GTF2I: variants seen among roughly 807,000 people sequenced by gnomAD.
The protein encoded by GTF2I is general transcription factor II-I.
In GTF2I, 12 loss-of-function variants were observed where a neutral mutation model predicts 67.6. The ratio of observed to expected loss-of-function variants is 0.18; its 90% CI spans 0.11 to 0.29. The LOEUF is 0.29. Among genes scored for constraint, GTF2I ranks in the 10% least tolerant of loss-of-function variants. The pLI, the probability that GTF2I is intolerant of heterozygous loss-of-function variation, is 1.00. For missense variants in GTF2I, 271 were observed against 580.1 expected (o/e 0.47, Z 5.47); for synonymous variants, 149 against 197.0 (o/e 0.76, Z 2.04).
At chr7:74,716,839 A>T in intron 10 of GTF2I, 55 bp from the exon 11 acceptor site, 2 of 1,163,136 alleles carry the variant, frequency 1.7e-6, no homozygotes, top group Admixed American at 3.6e-5. Flanking sequence ...ATTCTCTTTC[A>T]TCTTTCAATG....
chr7:74,680,762 G>C (rs587659905), intron 1 of GTF2I, among the ~76,000 whole-genome samples: 1 of 151,292 alleles, frequency 6.6e-6, no homozygotes, highest in African/African-American at 2.4e-5. Flanking sequence ...ACCAAATGTT[G>C]TTGTGTGCTG....
intron 1 of GTF2I, among the ~76,000 whole-genome samples, chr7:74,669,904 C>T (rs1178158228): frequency 6.6e-6 from 1 of 152,124 alleles, no homozygotes; most frequent in Admixed American, 6.6e-5. Context: ...TGTTCATGCA[C>T]AAATGCCTTA....
chr7:74,682,917 A>T lies in GTF2I; in HGVS notation c.-5-6207A>T, dbSNP rs587710819. Reference sequence around the variant, plus strand: ...AATTAAAAACCGGATAGGTGTTTTAACAACAGAATAAAAAGATGAAGAAGG... The same window carrying T: ...AATTAAAAACCGGATAGGTGTTTTATCAACAGAATAAAAAGATGAAGAAGG... On this transcript the variant is annotated intron_variant, in intron 1 of 34. Transcript: ENST00000573035. Among the ~76,000 whole-genome samples, 8 of 152,340 alleles carry T rather than the reference A, an allele frequency of 5.3e-5. No individual in the cohort carries two copies. The East Asian group carries it at 1.5e-3, about 29-fold the overall frequency.
intron 6 of GTF2I, among the ~76,000 whole-genome samples, chr7:74,700,951 G>A (rs1234042637): frequency 6.6e-6 from 1 of 152,218 alleles, no homozygotes; most frequent in East Asian, 1.9e-4. Flanking sequence ...AGCATTGGGT[G>A]GGGAGGGGAT....
intron 14 of GTF2I, among the ~76,000 whole-genome samples, chr7:74,731,497 T>G (rs1216144239): frequency 6.7e-6 from 1 of 149,956 alleles, no homozygotes; most frequent in Non-Finnish European, 1.5e-5. Context: ...TTCTCCCAGT[T>G]TTTAATAGCT....
intron 1 of GTF2I, among the ~76,000 whole-genome samples, chr7:74,681,529 G>C (rs1164108250): frequency 2.0e-5 from 3 of 152,180 alleles, no homozygotes; most frequent in Non-Finnish European, 4.4e-5. Context: ...TTTAATCACA[G>C]TATATCCCGT....
intron 1 of GTF2I, chr7:74,688,835 T>A: frequency 2.9e-6 from 1 of 341,550 alleles, no homozygotes; most frequent in South Asian, 3.6e-5. Context: ...TTGCCTCGTC[T>A]TGTTCTTACT....
chr7:74,732,225 T>A (rs1554406875), intron 14 of GTF2I, among the ~76,000 whole-genome samples: 2 of 150,144 alleles, frequency 1.3e-5, no homozygotes, highest in Admixed American at 1.3e-4. Flanking sequence ...ATACAAAAAA[T>A]TAGCTGGGCG....
intron 1 of GTF2I, among the ~76,000 whole-genome samples, chr7:74,667,991 G>A (rs782067461): frequency 6.6e-6 from 1 of 151,538 alleles, no homozygotes; most frequent in Admixed American, 6.6e-5. Flanking sequence ...GCACCACCAC[G>A]CCCAGCTAAT....
chr7:74,720,454 GTTAAC>G (rs1472365968), intron 12 of GTF2I, among the ~76,000 whole-genome samples: 6 of 152,176 alleles, frequency 3.9e-5, no homozygotes, highest in Non-Finnish European at 5.9e-5. Flanking sequence ...TACTTCATGT[GTTAAC>G]TTAATATACA....
intron 12 of GTF2I, among the ~76,000 whole-genome samples, chr7:74,724,372 TAA>T (rs1793490927): frequency 1.3e-5 from 2 of 152,208 alleles, no homozygotes; most frequent in African/African-American, 2.4e-5. Flanking sequence ...ATGTTGAAGC[TAA>T]GAGTATCAGA....
intron 1 of GTF2I, among the ~76,000 whole-genome samples, chr7:74,672,018 A>T (rs1372974285): frequency 6.6e-6 from 1 of 152,040 alleles, no homozygotes; most frequent in East Asian, 1.9e-4. Flanking sequence ...TTTAAAAATC[A>T]ATCCTGATCA....
chr7:74,665,958 G>C (rs587637366), intron 1 of GTF2I, among the ~76,000 whole-genome samples: 77 of 152,286 alleles, frequency 5.1e-4, no homozygotes, highest in Admixed American at 1.4e-3. Context: ...TCCTGTCTTA[G>C]CTTCCCAAGT....
chr7:74,661,047 A>G (rs587622583), intron 1 of GTF2I, among the ~76,000 whole-genome samples: 2 of 152,308 alleles, frequency 1.3e-5, no homozygotes, highest in Non-Finnish European at 1.5e-5. Context: ...ATTCTATTCT[A>G]TAGAGCGGAA....
At chr7:74,668,372 A>G (rs1370938677) in intron 1 of GTF2I, among the ~76,000 whole-genome samples, 4 of 151,340 alleles carry the variant, frequency 2.6e-5, no homozygotes, top group Non-Finnish European at 5.9e-5. Context: ...AGAAGTATAT[A>G]TAATTATATT....
chr7:74,693,840 G>A (rs935963884), intron 3 of GTF2I, among the ~76,000 whole-genome samples: 7 of 151,906 alleles, frequency 4.6e-5, no homozygotes, highest in Admixed American at 2.0e-4. Flanking sequence ...GCAAGACTCC[G>A]TCTCAACGAA....
intron 7 of GTF2I, among the ~76,000 whole-genome samples, chr7:74,705,852 C>T (rs1449229936): frequency 6.6e-6 from 1 of 152,004 alleles, no homozygotes; most frequent in South Asian, 2.1e-4. Flanking sequence ...GCATGAGCCA[C>T]CACGCCTGGC....
intron 14 of GTF2I, among the ~76,000 whole-genome samples, chr7:74,731,860 G>T (rs1794516635): frequency 6.6e-6 from 1 of 151,346 alleles, no homozygotes; most frequent in African/African-American, 2.4e-5. Flanking sequence ...TTTTCTATTG[G>T]TTCATTATGA....
intron 7 of GTF2I, among the ~76,000 whole-genome samples, chr7:74,705,981 C>G (rs1304649909): frequency 6.6e-6 from 1 of 151,990 alleles, no homozygotes; most frequent in Non-Finnish European, 1.5e-5. Flanking sequence ...GAGACAGAGT[C>G]TCCCTCTGTG....
Sources: gnomAD v4.1 joint callset for allele counts (sites outside exome capture counted in the v4.1 genomes callset) on GRCh38, gnomAD v4.1.1 for gene constraint, MANE v1.5 for transcripts, NCBI Gene and HGNC (gene_info 2026-07-23, HGNC 2026-07-21) for gene names.